The following WNT9A variants were observed in gnomAD, a reference collection of about 807,000 sequenced individuals.
WNT9A encodes the protein Wnt family member 9A.
In WNT9A, 8 loss-of-function variants were observed where a neutral mutation model predicts 31.4. The observed-to-expected ratio is 0.26, with a 90% confidence interval of 0.15 to 0.46. WNT9A has a LOEUF of 0.46. Among genes scored for constraint, WNT9A ranks in the 20% least tolerant of loss-of-function variants. The probability of loss-of-function intolerance (pLI) is 0.99; values close to 1 mark genes in which losing one functional copy is unlikely to be tolerated. For synonymous variants in WNT9A, 236 were observed against 220.1 expected (o/e 1.07, Z -0.64); for missense variants, 457 against 522.9 (o/e 0.87, Z 1.23).
chr1:227,944,917 C>G (rs1447588230), intron 1 of WNT9A, among the ~76,000 whole-genome samples: 2 of 152,244 alleles, frequency 1.3e-5, no homozygotes, highest in African/African-American at 4.8e-5. Context: ...AGCCCAGGAC[C>G]CCTAAGGAAA....
chr1:227,938,364 C>A (rs1239508445), intron 1 of WNT9A, among the ~76,000 whole-genome samples: 1 of 151,198 alleles, frequency 6.6e-6, no homozygotes, highest in Non-Finnish European at 1.5e-5. Context: ...CACGCATACA[C>A]ACGTACAGGA....
rs949801399 is a variant in WNT9A, at chr1:227,920,239, C to G, written c.*1279G>C. On this transcript the variant is annotated 3_prime_UTR_variant, in exon 4 of 4. Transcript: ENST00000272164. ...TGGGGGAGCTGGCTTCCAGAAGCCC[C>G]AAGGGCTGTGGCCAGACGCAGCTCA... The G allele has an allele frequency of 2.6e-5, 4 of 152,244 alleles. No individual in the cohort carries two copies. The highest frequency in any genetic ancestry group is 9.7e-5 in the African/African-American group (4 of 41,440). 9.4% of individuals were successfully genotyped at this position (152,244 alleles called of 1,614,324 possible). A position where few individuals can be genotyped will look rare whatever the true frequency, so the allele number is the denominator to read the frequency against.
chr1:227,920,688 G>C lies in WNT9A; in HGVS notation c.*830C>G, dbSNP rs1349821424. On this transcript the variant is annotated 3_prime_UTR_variant, in exon 4 of 4. Coordinates refer to ENST00000272164, the MANE Select transcript of WNT9A (RefSeq NM_003395.4). The stretch of plus-strand genomic sequence containing the variant: ...GGGTGGCCCACACGGAGGCCGCATG[G>C]TCACCAAGGTGCACCTGCCACCCAT... The C allele has an allele frequency of 6.6e-6, 1 of 152,340 alleles. No homozygotes were observed. Among genetic ancestry groups the C allele is most frequent in the South Asian group, 2.1e-4 (1 of 4,824 alleles). The allele number at this position is 152,340 out of a possible 1,614,324, so 9.4% of individuals were successfully genotyped here. A position where few individuals can be genotyped will look rare whatever the true frequency, so the allele number is the denominator to read the frequency against.
chr1:227,937,200 A>T (rs971998108), intron 1 of WNT9A, among the ~76,000 whole-genome samples: 1 of 152,200 alleles, frequency 6.6e-6, no homozygotes, highest in Non-Finnish European at 1.5e-5. Flanking sequence ...CCTTGCAGCC[A>T]TCCCCAAGTG....
chr1:227,920,171 G>A lies in WNT9A; in HGVS notation c.*1347C>T, dbSNP rs957323952. 7.9e-5 allele frequency: 12 copies of A among 152,318 alleles called. No homozygotes were observed. The highest frequency in any genetic ancestry group is 1.0e-4 in the Non-Finnish European group (7 of 68,090). 9.4% of individuals were successfully genotyped at this position (152,318 alleles called of 1,614,324 possible). A position where few individuals can be genotyped will look rare whatever the true frequency, so the allele number is the denominator to read the frequency against. On this transcript the variant is annotated 3_prime_UTR_variant, in exon 4 of 4. Transcript: ENST00000272164. ...GCCCACAGGGTGCAGGGCAGGGGCCGCCGGCTGGCCCACCACGTGGCAGTG... is the reference window on the plus strand; with the variant it reads ...GCCCACAGGGTGCAGGGCAGGGGCCACCGGCTGGCCCACCACGTGGCAGTG...
intron 1 of WNT9A, among the ~76,000 whole-genome samples, chr1:227,932,695 T>G (rs1164915026): frequency 6.6e-6 from 1 of 152,238 alleles, no homozygotes; most frequent in Non-Finnish European, 1.5e-5. Context: ...GGAGAATTAA[T>G]GCACATTGTG....
rs1666324289 is a variant in WNT9A at position 227,921,935 on chromosome 1, C to A, written c.681G>T (p.Arg227=). 1.9e-6 allele frequency: 3 copies of A among 1,613,026 alleles called. No homozygotes were observed. In the South Asian group the frequency reaches 3.3e-5, roughly 18 times the overall value. Residue 227 remains arginine, a synonymous_variant, in exon 4 of 4, where the codon CGG becomes CGT. Transcript: ENST00000272164. Reference sequence around the variant, plus strand: ...AAGGCGCCAACTGCCGCCAGCAGGTCCGCACCGTGCATGAGCCTGACACGC... The same window carrying A: ...AAGGCGCCAACTGCCGCCAGCAGGTACGCACCGTGCATGAGCCTGACACGC... ...CHGVSGSCTV[R]TCWRQLAPFH...
In WNT9A at chr1:227,941,051, C is replaced by G. The variant is rs781149107; in HGVS notation, c.95+6742G>C. Among the ~76,000 whole-genome samples, 8 of 152,258 alleles carry G rather than the reference C, an allele frequency of 5.3e-5. No homozygotes were observed. The South Asian group carries it at 6.2e-4, about 12-fold the overall frequency. Reference sequence around the variant, plus strand: ...TGCATGGCTGCTCTGGTGGGGCCATCAACACCTGGCCTATCGTCCACACAC... The same window carrying G: ...TGCATGGCTGCTCTGGTGGGGCCATGAACACCTGGCCTATCGTCCACACAC... On this transcript the variant is annotated intron_variant, in intron 1 of 3. Coordinates refer to ENST00000272164, the MANE Select transcript of WNT9A (RefSeq NM_003395.4).
In WNT9A at chr1:227,925,375, C is replaced by T; in HGVS notation, c.240G>A (p.Glu80=). ...RMCRRDPGVA[E]TLVEAVSMSA... The stretch of plus-strand genomic sequence containing the variant: ...TCATGCTCACGGCCTCCACCAGCGT[C>T]TCTGCCACGCCCGGGTCCCGGCGGC... The change falls in exon 2 of 4, where the codon GAG becomes GAA. Residue 80 remains glutamate, a synonymous_variant. Transcript: ENST00000272164. The surrounding 1 kb of genome is among the most constrained non-coding windows in gnomAD (Gnocchi z 6.0). The T allele has an allele frequency of 6.2e-7, 1 of 1,611,412 alleles. No individual in the cohort carries two copies. Among genetic ancestry groups the T allele is most frequent in the Non-Finnish European group, 8.5e-7 (1 of 1,179,564 alleles).
At chr1:227,935,860 T>C (rs1666586285) in intron 1 of WNT9A, among the ~76,000 whole-genome samples, 1 of 152,222 alleles carries the variant, frequency 6.6e-6, no homozygotes, top group Admixed American at 6.5e-5. Flanking sequence ...TACCTAAGCC[T>C]GATGCTGGTT....
At chr1:227,934,628 T>C (rs1283970778) in intron 1 of WNT9A, among the ~76,000 whole-genome samples, 1 of 152,210 alleles carries the variant, frequency 6.6e-6, no homozygotes, top group Non-Finnish European at 1.5e-5. Flanking sequence ...CGTTGGCCTG[T>C]AGTTCTCTCT....
At chr1:227,927,513 C>T (rs910996198) in intron 1 of WNT9A, among the ~76,000 whole-genome samples, 30 of 152,246 alleles carry the variant, frequency 2.0e-4, no homozygotes, top group Non-Finnish European at 4.3e-4. Flanking sequence ...GAGCACAGGG[C>T]GGCACTGTGG....
At chr1:227,932,577 C>A (rs539795220) in intron 1 of WNT9A, among the ~76,000 whole-genome samples, 1 of 152,210 alleles carries the variant, frequency 6.6e-6, no homozygotes, top group South Asian at 2.1e-4. Context: ...TTTCAATAGA[C>A]TTTTCCTAGA....
intron 1 of WNT9A, among the ~76,000 whole-genome samples, chr1:227,945,066 C>A (rs1188004817): frequency 1.3e-5 from 2 of 152,212 alleles, no homozygotes; most frequent in African/African-American, 4.8e-5. Flanking sequence ...AGAGAAGCAG[C>A]CCCGGCGTCT....
Position 227,920,431 on chromosome 1 carries a change from G to A in WNT9A, c.*1087C>T, listed in dbSNP as rs1343679401. ...CTGCAGCCGGGGAGGTGGCAGGGAT[G>A]GAGAAAATAATAATTATTATATTAG... On this transcript the variant is annotated 3_prime_UTR_variant, in exon 4 of 4. Coordinates refer to ENST00000272164, the MANE Select transcript of WNT9A (RefSeq NM_003395.4). 3 of 146,610 alleles carry A rather than the reference G, an allele frequency of 2.0e-5. No individual in the cohort carries two copies. The highest frequency in any genetic ancestry group is 4.2e-4 in the East Asian group (2 of 4,774). 9.1% of individuals were successfully genotyped at this position (146,610 alleles called of 1,614,324 possible).
At chr1:227,939,552 C>T (rs926244841) in intron 1 of WNT9A, among the ~76,000 whole-genome samples, 2 of 152,204 alleles carry the variant, frequency 1.3e-5, no homozygotes, top group Non-Finnish European at 2.9e-5. Context: ...AGCCACCCCA[C>T]ACTGCCAGGT....
At position 227,945,795 on chromosome 1, in the gene WNT9A, C is replaced by T. The variant is rs552164462; in HGVS notation, c.95+1998G>A. ...CCTCCGCACAACCCAGCCTGGAGCC[C>T]TTTGTGCCCTGCTTCCCCTCCCCAG... On this transcript the variant is annotated intron_variant, in intron 1 of 3. Coordinates refer to ENST00000272164, the MANE Select transcript of WNT9A (RefSeq NM_003395.4). Among the ~76,000 whole-genome samples the T allele has an allele frequency of 2.2e-3, 335 of 152,244 alleles. 3 individuals are homozygous for T. The highest frequency in any genetic ancestry group is 3.5e-3 in the South Asian group (17 of 4,826).
At chr1:227,939,115 A>T (rs1305013068) in intron 1 of WNT9A, among the ~76,000 whole-genome samples, 3 of 152,226 alleles carry the variant, frequency 2.0e-5, no homozygotes, top group Non-Finnish European at 4.4e-5. Flanking sequence ...GGCCAGCTGG[A>T]GAGAAGGAAG....
chr1:227,945,227 A>G (rs1048934386), intron 1 of WNT9A, among the ~76,000 whole-genome samples: 1 of 152,190 alleles, frequency 6.6e-6, no homozygotes, highest in Non-Finnish European at 1.5e-5. Flanking sequence ...CTGTACCCCA[A>G]GCCCTCCCTA....
Sources: allele counts gnomAD v4.1 joint callset (sites outside exome capture counted in the v4.1 genomes callset), GRCh38; gene constraint gnomAD v4.1.1; non-coding constraint Gnocchi (gnomAD v3.1); transcripts MANE v1.5; gene names NCBI Gene and HGNC (gene_info 2026-07-23, HGNC 2026-07-21).